Variants in XYLT1 observed in about 807,000 individuals in gnomAD.
XYLT1 encodes xylosyltransferase 1, also known as beta-D-xylosyltransferase 1.
A neutral mutation model predicts 91.3 loss-of-function variants in XYLT1; 36 were observed. That is an observed-to-expected ratio of 0.39 (90% CI 0.30 to 0.52). XYLT1 has a LOEUF of 0.52. Ranked by LOEUF, XYLT1 falls within the 20% of genes least tolerant of loss-of-function variation. The pLI is 0.68. For synonymous variants in XYLT1, 588 were observed against 532.0 expected (o/e 1.11, Z -1.45); for missense variants, 1,242 against 1,284.5 (o/e 0.97, Z 0.51).
chr16:17,188,075 G>T (rs1368688692), intron 5 of XYLT1, among the ~76,000 whole-genome samples: 4 of 152,002 alleles, frequency 2.6e-5, no homozygotes, highest in Non-Finnish European at 4.4e-5. Flanking sequence ...GTGACTAAAA[G>T]ACTTCATGGC....
At chr16:17,377,139 T>C (rs1398404836) in intron 1 of XYLT1, among the ~76,000 whole-genome samples, 1 of 135,260 alleles carries the variant, frequency 7.4e-6, no homozygotes, top group Non-Finnish European at 1.6e-5. Context: ...ATCGCACCAC[T>C]GCACTCCAGC....
At chr16:17,295,756 C>T (rs1278112414) in intron 2 of XYLT1, among the ~76,000 whole-genome samples, 1 of 152,150 alleles carries the variant, frequency 6.6e-6, no homozygotes, top group African/African-American at 2.4e-5. Context: ...GGGAATGCTA[C>T]CAGCAACTAG....
chr16:17,192,838 C>A (rs7185612), intron 5 of XYLT1: 79,582 of 140,472 alleles, frequency 0.57, 24,937 homozygotes, highest in African/African-American at 0.85. Flanking sequence ...TTTTAGACAG[C>A]GTCTCAGTCT....
At chr16:17,469,798 G>T (rs1355925834) in intron 1 of XYLT1, among the ~76,000 whole-genome samples, 2 of 152,180 alleles carry the variant, frequency 1.3e-5, no homozygotes, top group Non-Finnish European at 2.9e-5. Flanking sequence ...GTCACAGAGG[G>T]CATGGGAGAC....
At chr16:17,409,520 C>CAAGTT (rs2036079702) in intron 1 of XYLT1, among the ~76,000 whole-genome samples, 1 of 150,482 alleles carries the variant, frequency 6.6e-6, no homozygotes, top group Non-Finnish European at 1.5e-5. Flanking sequence ...TAACATTACC[C>CAAGTT]AAGTTGGTTT....
chr16:17,290,294 T>C (rs1462339893), intron 2 of XYLT1, among the ~76,000 whole-genome samples: 3 of 152,272 alleles, frequency 2.0e-5, no homozygotes, highest in Admixed American at 1.3e-4. Flanking sequence ...GAGATGTCTA[T>C]CTGGACTGAC....
At chr16:17,127,989 C>T (rs546827292) in intron 9 of XYLT1, 128 bp from the exon 10 acceptor site, 58 of 757,124 alleles carry the variant, frequency 7.7e-5, no homozygotes, top group South Asian at 4.9e-4. Flanking sequence ...GTTTTCCTTG[C>T]GTCCTCTGTA....
At chr16:17,225,130 C>T (rs1478679870) in intron 3 of XYLT1, among the ~76,000 whole-genome samples, 4 of 151,378 alleles carry the variant, frequency 2.6e-5, no homozygotes, top group African/African-American at 7.3e-5. Context: ...TGTGTGACCT[C>T]GTAAGCCACC....
At chr16:17,149,709 G>T (rs1035142415) in intron 6 of XYLT1, among the ~76,000 whole-genome samples, 1 of 152,126 alleles carries the variant, frequency 6.6e-6, no homozygotes, top group Non-Finnish European at 1.5e-5. Flanking sequence ...TTATTCTATT[G>T]GGATGCAGTG....
intron 5 of XYLT1, among the ~76,000 whole-genome samples, chr16:17,181,105 GGAGAAATGGACTT>G (rs1278778286): frequency 6.6e-6 from 1 of 152,182 alleles, no homozygotes; most frequent in African/African-American, 2.4e-5. Flanking sequence ...CAAAGTAAGT[GGAGAAATGGACTT>G]GAGAAATGGA....
chr16:17,383,764 T>TTTTTTTTTTTTTG (rs1400426473), intron 1 of XYLT1, among the ~76,000 whole-genome samples: 2 of 151,214 alleles, frequency 1.3e-5, no homozygotes, highest in Non-Finnish European at 1.5e-5. Context: ...TTTTTTTTTT[T>TTTTTTTTTTTTTG]GAGACGGAGT....
At chr16:17,352,840 G>A (rs1282101857) in intron 2 of XYLT1, among the ~76,000 whole-genome samples, 1 of 152,184 alleles carries the variant, frequency 6.6e-6, no homozygotes, top group Non-Finnish European at 1.5e-5. Context: ...TTCTAGGCAA[G>A]GAAACTTCTG....
chr16:17,451,357 A>C (rs2036663850), intron 1 of XYLT1, among the ~76,000 whole-genome samples: 1 of 152,088 alleles, frequency 6.6e-6, no homozygotes, highest in Non-Finnish European at 1.5e-5. Flanking sequence ...ATGCCGGACT[A>C]TCTTCTCTTT....
At chr16:17,334,646 G>A (rs566572154) in intron 2 of XYLT1, among the ~76,000 whole-genome samples, 8 of 152,156 alleles carry the variant, frequency 5.3e-5, no homozygotes, top group Non-Finnish European at 1.0e-4. Context: ...AGTCTAGCAA[G>A]GACAGTGAGA....
intron 2 of XYLT1, among the ~76,000 whole-genome samples, chr16:17,290,924 C>T (rs1402826240): frequency 3.3e-5 from 5 of 152,174 alleles, no homozygotes; most frequent in African/African-American, 1.2e-4. Context: ...GGCCACCTGA[C>T]AATTGTCTTA....
At chr16:17,302,340 G>A (rs1374174068) in intron 2 of XYLT1, among the ~76,000 whole-genome samples, 7 of 152,140 alleles carry the variant, frequency 4.6e-5, no homozygotes, top group Non-Finnish European at 1.0e-4. Context: ...CTAGACCAGG[G>A]GACACCGTCG....
intron 1 of XYLT1, among the ~76,000 whole-genome samples, chr16:17,422,281 C>CA (rs35570126): frequency 0.11 from 15,991 of 152,110 alleles, 969 homozygotes; most frequent in Non-Finnish European, 0.15. Context: ...ACTACAGCCT[C>CA]AACCTCCTGG....
At chr16:17,331,451 T>C (rs1391583731) in intron 2 of XYLT1, among the ~76,000 whole-genome samples, 1 of 152,234 alleles carries the variant, frequency 6.6e-6, no homozygotes, top group African/African-American at 2.4e-5. Flanking sequence ...AAACAGTACA[T>C]GGAAGGCCAG....
At chr16:17,149,291 G>A (rs888493428) in intron 6 of XYLT1, among the ~76,000 whole-genome samples, 1 of 152,014 alleles carries the variant, frequency 6.6e-6, no homozygotes, top group African/African-American at 2.4e-5. Flanking sequence ...CCCACTGTAA[G>A]TTTTAGAAGG....
Sources: allele counts gnomAD v4.1 joint callset (sites outside exome capture counted in the v4.1 genomes callset), GRCh38; gene constraint gnomAD v4.1.1; transcripts MANE v1.5; gene names NCBI Gene and HGNC (gene_info 2026-07-23, HGNC 2026-07-21).